The following STPG2 variants were observed in gnomAD, a reference collection of about 807,000 sequenced individuals.
STPG2 encodes the protein sperm-tail PG-rich repeat-containing protein 2.
STPG2 carries 56 observed loss-of-function variants against 54.2 expected under a neutral mutation model. The ratio of observed to expected loss-of-function variants is 1.03; its 90% CI spans 0.83 to 1.29. The LOEUF is 1.29. STPG2 is among the 50% of genes most tolerant of loss of function. The probability of loss-of-function intolerance (pLI) is 0.00; values close to 1 mark genes in which losing one functional copy is unlikely to be tolerated. For missense variants in STPG2, 596 were observed against 544.9 expected (o/e 1.09, Z -0.93); for synonymous variants, 200 against 181.8 (o/e 1.10, Z -0.81).
At chr4:97,724,152 A>G (rs1269862873) in intron 9 of STPG2, among the ~76,000 whole-genome samples, 2 of 152,188 alleles carry the variant, frequency 1.3e-5, no homozygotes, top group Non-Finnish European at 2.9e-5. Flanking sequence ...TTTTATTAAT[A>G]TAGATTTGCA....
At chr4:97,473,370 C>T (rs921738556) in intron 4 of STPG2, among the ~76,000 whole-genome samples, 3 of 152,060 alleles carry the variant, frequency 2.0e-5, no homozygotes, top group African/African-American at 7.2e-5. Flanking sequence ...GGGTAGGCCT[C>T]GAAAATGGCC....
chr4:97,886,909 A>G (rs186639903), intron 8 of STPG2, among the ~76,000 whole-genome samples: 126 of 152,236 alleles, frequency 8.3e-4, no homozygotes, highest in African/African-American at 2.8e-3. Flanking sequence ...AGATTGTTTA[A>G]AAGTGTGCAG....
At chr4:97,776,334 T>A (rs930895137) in intron 9 of STPG2, among the ~76,000 whole-genome samples, 1 of 152,168 alleles carries the variant, frequency 6.6e-6, no homozygotes, top group African/African-American at 2.4e-5. Context: ...TTGCCCATGG[T>A]CACACAACCA....
intron 8 of STPG2, among the ~76,000 whole-genome samples, chr4:97,929,894 G>GT (rs1002846247): frequency 2.6e-4 from 39 of 151,822 alleles, no homozygotes; most frequent in African/African-American, 8.2e-4. Flanking sequence ...CCATCTTCCA[G>GT]TTTTTTTGTT....
chr4:98,097,411 T>C (rs1199524760), intron 5 of STPG2, among the ~76,000 whole-genome samples: 1 of 152,110 alleles, frequency 6.6e-6, no homozygotes, highest in Non-Finnish European at 1.5e-5. Flanking sequence ...GAAAAAACAT[T>C]TGATAAAGTT....
At chr4:98,018,358 T>C (rs534974533) in intron 5 of STPG2, among the ~76,000 whole-genome samples, 1 of 152,374 alleles carries the variant, frequency 6.6e-6, no homozygotes, top group African/African-American at 2.4e-5. Context: ...CATCATTTTT[T>C]ATGGCTGCAT....
chr4:97,759,871 A>G (rs1358657940), intron 9 of STPG2, among the ~76,000 whole-genome samples: 2 of 152,118 alleles, frequency 1.3e-5, no homozygotes, highest in Non-Finnish European at 2.9e-5. Context: ...GAACTACTGC[A>G]AGAGCTTCCT....
At chr4:98,028,391 G>C (rs1205268341) in intron 5 of STPG2, among the ~76,000 whole-genome samples, 1 of 152,072 alleles carries the variant, frequency 6.6e-6, no homozygotes, top group African/African-American at 2.4e-5. Flanking sequence ...CCAAATCCAA[G>C]GACATTCCTT....
chr4:97,795,017 A>G (rs890019919), intron 9 of STPG2, among the ~76,000 whole-genome samples: 10 of 152,278 alleles, frequency 6.6e-5, no homozygotes, highest in South Asian at 2.1e-4. Flanking sequence ...CAGCCACTAT[A>G]ATAATGACAA....
intron 9 of STPG2, among the ~76,000 whole-genome samples, chr4:97,822,644 A>C (rs978882826): frequency 6.6e-6 from 1 of 152,188 alleles, no homozygotes; most frequent in Non-Finnish European, 1.5e-5. Context: ...GCTTCTGGGG[A>C]GGTCTCAAGG....
At position 97,727,491 on chromosome 4, in the gene STPG2, TA is replaced by T. The variant is rs1724661334; in HGVS notation, c.1205-14678del. Among the ~76,000 whole-genome samples the T allele has an allele frequency of 4.6e-5, 7 of 152,102 alleles. No homozygotes were observed. In the South Asian group the frequency reaches 1.4e-3, roughly 31 times the overall value. ...CACAAAAAACAGAAACTAGCTTTTC[TA>T]AGCACTGAAGCAATATACCCCCAGG... On this transcript the variant is annotated intron_variant, in intron 9 of 10. Transcript: ENST00000295268.
intron 4 of STPG2, among the ~76,000 whole-genome samples, chr4:97,531,835 A>T (rs1044284820): frequency 1.3e-5 from 2 of 152,208 alleles, no homozygotes; most frequent in African/African-American, 4.8e-5. Context: ...TTCATTGTAC[A>T]TTAAAGCTAT....
intron 10 of STPG2, among the ~76,000 whole-genome samples, chr4:97,669,958 T>C (rs147704851): frequency 8.5e-4 from 129 of 152,298 alleles, no homozygotes; most frequent in African/African-American, 2.9e-3. Context: ...TTATTCCCAA[T>C]GTGAAGGGCT....
At chr4:97,486,825 G>GTA (rs1243234512) in intron 4 of STPG2, among the ~76,000 whole-genome samples, 20 of 130,886 alleles carry the variant, frequency 1.5e-4, no homozygotes, top group Non-Finnish European at 2.9e-4. Flanking sequence ...GTGTGTGTGT[G>GTA]TGTGTATATA....
At chr4:98,139,393 C>A (rs17486413) in intron 1 of STPG2, among the ~76,000 whole-genome samples, 60,053 of 151,930 alleles carry the variant, frequency 0.4, 12,114 homozygotes, top group Middle Eastern at 0.45. Context: ...GCTCTAAGGT[C>A]TTTTCCTCTT....
chr4:97,679,201 A>G (rs923579040), intron 10 of STPG2, among the ~76,000 whole-genome samples: 3 of 152,212 alleles, frequency 2.0e-5, no homozygotes, highest in Non-Finnish European at 4.4e-5. Flanking sequence ...GAATCGCCAC[A>G]CTAACTTCCA....
chr4:97,896,885 TC>T (rs1299019608), intron 8 of STPG2, among the ~76,000 whole-genome samples: 3 of 151,840 alleles, frequency 2.0e-5, no homozygotes, highest in African/African-American at 7.2e-5. Context: ...TATAAACTTA[TC>T]TTTTTCCTTC....
rs541492335 is a variant in STPG2, at chr4:98,025,817, T to C, written c.613-44499A>G. On this transcript the variant is annotated intron_variant, in intron 5 of 10. Coordinates refer to ENST00000295268, the MANE Select transcript of STPG2 (RefSeq NM_174952.3). ...TGGTCCGCCGGGTGCCTTTACCTGCTATTTGGATGCAGGCCTTGCCAGAAC... is the reference window on the plus strand; with the variant it reads ...TGGTCCGCCGGGTGCCTTTACCTGCCATTTGGATGCAGGCCTTGCCAGAAC... 1.9e-6 allele frequency: 3 copies of C among 1,591,984 alleles called. No homozygotes were observed. In the African/African-American group the frequency reaches 4.0e-5, roughly 21 times the overall value.
At chr4:97,883,560 T>A (rs184302642) in intron 8 of STPG2, among the ~76,000 whole-genome samples, 1 of 151,562 alleles carries the variant, frequency 6.6e-6, no homozygotes, top group Non-Finnish European at 1.5e-5. Flanking sequence ...AGCAGCAACA[T>A]GAAATTATAA....
Sources: allele counts gnomAD v4.1 joint callset (sites outside exome capture counted in the v4.1 genomes callset), GRCh38; gene constraint gnomAD v4.1.1; transcripts MANE v1.5; gene names NCBI Gene and HGNC (gene_info 2026-07-23, HGNC 2026-07-21).